PCDHGB6: variants seen among roughly 807,000 people sequenced by gnomAD.
The protein encoded by PCDHGB6 is protocadherin gamma subfamily B, 6, also known as protocadherin gamma-B6.
Under a neutral mutation model 59.1 loss-of-function variants are expected in PCDHGB6, and 51 were observed. The observed-to-expected ratio is 0.86, with a 90% CI of 0.69 to 1.09. The LOEUF (loss-of-function observed/expected upper bound fraction) is 1.09. Ranked by LOEUF, PCDHGB6 falls within the 50% of genes least tolerant of loss-of-function variation. The pLI is 0.00. For synonymous variants in PCDHGB6, 466 were observed against 495.1 expected (o/e 0.94, Z 0.78); for missense variants, 1,148 against 1,205.1 (o/e 0.95, Z 0.70).
At chr5:141,416,947 T>G (rs1436457377) in intron 1 of PCDHGB6, 1 of 152,184 alleles carries the variant, frequency 6.6e-6, no homozygotes, top group Non-Finnish European at 1.5e-5. Flanking sequence ...CCATTGAAAC[T>G]ATTATTTTAT....
chr5:141,494,745 G>C, intron 1 of PCDHGB6, 62 bp from the exon 2 acceptor site: 1 of 1,612,802 alleles, frequency 6.2e-7, no homozygotes, highest in Middle Eastern at 1.7e-4. Flanking sequence ...ATCCCTAGGG[G>C]CTCGGGTGAC....
chr5:141,473,626 G>A lies in PCDHGB6; in HGVS notation c.2419-21181G>A, dbSNP rs149882847. ...GCAAAGCAAAGGGAGGGAGGAAAAA[G>A]CAGCTTTCCTGGCAAAGGAACAATT... On this transcript the variant is annotated intron_variant, in intron 1 of 3. Transcript: ENST00000520790. Among the ~76,000 whole-genome samples, 1,234 of 152,276 alleles carry A rather than the reference G, an allele frequency of 8.1e-3. 14 individuals are homozygous for A. Among genetic ancestry groups the A allele is most frequent in the Non-Finnish European group, 0.011 (715 of 68,020 alleles).
At position 141,491,346 on chromosome 5, in the gene PCDHGB6, T is replaced by A. The variant is rs760843553; in HGVS notation, c.2419-3461T>A. ...TCATTGTGGCTCTAGCGACCGTCAG[T>A]CTCTTATCCCTAGTCACCTTCACCT... On this transcript the variant is annotated intron_variant, in intron 1 of 3. Coordinates refer to ENST00000520790, the MANE Select transcript of PCDHGB6 (RefSeq NM_018926.3). This position sits in a 1 kb window ranked among gnomAD's most constrained non-coding sequence, Gnocchi z 6.9. The A allele has an allele frequency of 6.2e-7, 1 of 1,614,088 alleles. No individual in the cohort carries two copies. The highest frequency in any genetic ancestry group is 1.1e-5 in the South Asian group (1 of 91,080).
At position 141,491,891 on chromosome 5, in the gene PCDHGB6, G is replaced by T. The variant is rs1487484740; in HGVS notation, c.2419-2916G>T. On this transcript the variant is annotated intron_variant, in intron 1 of 3. Coordinates refer to ENST00000520790, the MANE Select transcript of PCDHGB6 (RefSeq NM_018926.3). This position sits in a 1 kb window ranked among gnomAD's most constrained non-coding sequence, Gnocchi z 6.9. ...GTGGCCGATTAAGGGATGGGGCTCC[G>T]AGCACCGGGGGTGGTGGCGACTGTG... 19 of 1,439,438 alleles carry T rather than the reference G, an allele frequency of 1.3e-5. No homozygotes were observed. The East Asian group carries it at 4.8e-4, about 36-fold the overall frequency. 89.2% of individuals were successfully genotyped at this position (1,439,438 alleles called of 1,614,324 possible). A position where few individuals can be genotyped will look rare whatever the true frequency, so the allele number is the denominator to read the frequency against.
At chr5:141,413,561 A>G in intron 1 of PCDHGB6, 1 of 1,613,924 alleles carries the variant, frequency 6.2e-7, no homozygotes. Flanking sequence ...GAAGTAACTG[A>G]TATCAATGAC....
chr5:141,429,631 G>A (rs1272926056), intron 1 of PCDHGB6, among the ~76,000 whole-genome samples: 1 of 152,132 alleles, frequency 6.6e-6, no homozygotes, highest in Non-Finnish European at 1.5e-5. Context: ...TTTTCTCACA[G>A]CTACCTATAT....
chr5:141,484,334 A>G (rs988395353), intron 1 of PCDHGB6, among the ~76,000 whole-genome samples: 3 of 152,192 alleles, frequency 2.0e-5, no homozygotes, highest in East Asian at 1.9e-4. Context: ...CTTGAAATCA[A>G]TGAATGGTAA....
chr5:141,422,719 CA>C (rs2096667277), intron 1 of PCDHGB6: 1 of 1,604,786 alleles, frequency 6.2e-7, no homozygotes, highest in Admixed American at 1.7e-5. Flanking sequence ...TGACACTGTC[CA>C]GGGGGTGCCT....
Position 141,490,876 on chromosome 5 carries a change from G to T in PCDHGB6, c.2419-3931G>T. On this transcript the variant is annotated intron_variant, in intron 1 of 3. Coordinates refer to ENST00000520790, the MANE Select transcript of PCDHGB6 (RefSeq NM_018926.3). The surrounding 1 kb of genome is among the most constrained non-coding windows in gnomAD (Gnocchi z 5.4). Reference sequence around the variant, plus strand: ...AGACTCCGGCTCTCCCCCATTGCATGCCAACACATCTCTGCATGTGTTTGT... The same window carrying T: ...AGACTCCGGCTCTCCCCCATTGCATTCCAACACATCTCTGCATGTGTTTGT... 6.2e-7 allele frequency: 1 copy of T among 1,613,840 alleles called. No homozygotes were observed. The highest frequency in any genetic ancestry group is 8.5e-7 in the Non-Finnish European group (1 of 1,179,894).
intron 1 of PCDHGB6, chr5:141,442,367 T>C (rs1304138950): frequency 6.6e-6 from 1 of 152,282 alleles, no homozygotes; most frequent in Non-Finnish European, 1.5e-5. Flanking sequence ...TATGATGCCA[T>C]ATTCCTACCA....
chr5:141,427,890 G>T lies in PCDHGB6; in HGVS notation c.2418+17270G>T, dbSNP rs1438515062. 1.9e-6 allele frequency: 3 copies of T among 1,566,844 alleles called. No homozygotes were observed. In the South Asian group the frequency reaches 3.3e-5, roughly 17 times the overall value. Reference sequence around the variant, plus strand: ...GCTCACGATGCAGGCCCACGACCAGGGCTCGCCCGCGCTCAGCGCCAACAT... The same window carrying T: ...GCTCACGATGCAGGCCCACGACCAGTGCTCGCCCGCGCTCAGCGCCAACAT... On this transcript the variant is annotated intron_variant, in intron 1 of 3. Transcript: ENST00000520790.
intron 1 of PCDHGB6, chr5:141,423,800 T>C: frequency 1.6e-5 from 14 of 895,104 alleles, no homozygotes; most frequent in East Asian, 1.3e-4. Context: ...TTTAGAGCAA[T>C]ACATGTGAGT....
rs766852982 is a variant in PCDHGB6, at chr5:141,486,907, A to G, written c.2419-7900A>G. ...CCCGGCCTGGTTCCTTATGTCCCCA[A>G]GCACTGCCTCCATCAGTTGGTGCTG... On this transcript the variant is annotated intron_variant, in intron 1 of 3. Coordinates refer to ENST00000520790, the MANE Select transcript of PCDHGB6 (RefSeq NM_018926.3). The surrounding 1 kb of genome is among the most constrained non-coding windows in gnomAD (Gnocchi z 5.0). 6.2e-5 allele frequency: 100 copies of G among 1,614,122 alleles called. No homozygotes were observed. The highest frequency in any genetic ancestry group is 8.0e-5 in the Non-Finnish European group (94 of 1,180,056).
intron 1 of PCDHGB6, chr5:141,423,114 A>G: frequency 1.9e-6 from 3 of 1,613,848 alleles, no homozygotes; most frequent in Non-Finnish European, 1.7e-6. Context: ...AGGTGCGTAC[A>G]GCGCGGGCAC....
chr5:141,432,706 C>T lies in PCDHGB6; in HGVS notation c.2418+22086C>T, dbSNP rs761752571. ...GCCTCGTAGTGGCCGTCCAGGACCA[C>T]GGCCAGCCCCCTCTCTCCGCCACTG... On this transcript the variant is annotated intron_variant, in intron 1 of 3. Transcript: ENST00000520790. The surrounding 1 kb of genome is among the most constrained non-coding windows in gnomAD (Gnocchi z 6.0). 10 of 1,613,870 alleles carry T rather than the reference C, an allele frequency of 6.2e-6. No homozygotes were observed. The East Asian group carries it at 1.1e-4, about 18-fold the overall frequency.
chr5:141,444,589 C>A (rs1198742574), intron 1 of PCDHGB6, among the ~76,000 whole-genome samples: 1 of 152,068 alleles, frequency 6.6e-6, no homozygotes, highest in Non-Finnish European at 1.5e-5. Context: ...TTTCTACTTA[C>A]CTTATTTAAA....
intron 1 of PCDHGB6, chr5:141,492,073 G>C (rs2099736846): frequency 6.2e-6 from 3 of 480,898 alleles, no homozygotes; most frequent in Non-Finnish European, 1.1e-5. Flanking sequence ...CCTAGGCGCC[G>C]GCTCCGGCAC....
intron 1 of PCDHGB6, chr5:141,422,676 A>G (rs1245488589): frequency 1.2e-6 from 2 of 1,606,500 alleles, no homozygotes; most frequent in East Asian, 4.5e-5. Flanking sequence ...CGGACAGCAA[A>G]CAGAATGCCC....
chr5:141,457,680 G>A lies in PCDHGB6; in HGVS notation c.2419-37127G>A, dbSNP rs866876250. 2.6e-5 allele frequency among the ~76,000 whole-genome samples: 4 copies of A among 152,290 alleles called. No individual in the cohort carries two copies. The South Asian group carries it at 8.3e-4, about 32-fold the overall frequency. On this transcript the variant is annotated intron_variant, in intron 1 of 3. Coordinates refer to ENST00000520790, the MANE Select transcript of PCDHGB6 (RefSeq NM_018926.3). The stretch of plus-strand genomic sequence containing the variant: ...AGCAAGAATGGTTATTTCTACATAG[G>A]ACTTTTGGATTGGCTTTGATGAAAC...
Sources: allele counts gnomAD v4.1 joint callset (sites outside exome capture counted in the v4.1 genomes callset), GRCh38; gene constraint gnomAD v4.1.1; non-coding constraint Gnocchi (gnomAD v3.1); transcripts MANE v1.5; gene names NCBI Gene and HGNC (gene_info 2026-07-23, HGNC 2026-07-21).